The following ESYT3 variants were observed in gnomAD, a reference collection of about 807,000 sequenced individuals.
The protein encoded by ESYT3 is extended synaptotagmin-3.
Under a neutral mutation model 111.5 loss-of-function variants are expected in ESYT3, and 101 were observed. The observed-to-expected ratio is 0.91, with a 90% CI of 0.77 to 1.07. The LOEUF (loss-of-function observed/expected upper bound fraction) is 1.07. ESYT3 is among the 50% of genes least tolerant of loss of function. The pLI is 0.00. For missense variants in ESYT3, 1,097 were observed against 1,109.4 expected, an observed-to-expected ratio of 0.99 and a Z score of 0.16; for synonymous variants, 416 against 446.8, an observed-to-expected ratio of 0.93 and a Z score of 0.87.
In ESYT3 at chr3:138,444,045, G is replaced by A. The variant is rs116492611; in HGVS notation, c.328-8003G>A. Among the ~76,000 whole-genome samples, 1,048 of 152,268 alleles carry A rather than the reference G, an allele frequency of 6.9e-3. 11 individuals are homozygous for A. The highest frequency in any genetic ancestry group is 0.023 in the African/African-American group (974 of 41,552). On this transcript the variant is annotated intron_variant, in intron 1 of 22. Transcript: ENST00000389567. ...TAAGAAATAATGCACAGACATCACC[G>A]CCTAAATATGGATTATTGATGTGGG... is the stretch of plus-strand genomic sequence containing the variant.
chr3:138,468,737 G>A lies in ESYT3; in HGVS notation c.1371+20G>A. On this transcript the variant is annotated intron_variant, in intron 13 of 22. Coordinates refer to ENST00000389567, the MANE Select transcript of ESYT3 (RefSeq NM_031913.5). ...TTGCCGGTGAGTGGCGACATGTCCA[G>A]AGTGTCACACAAACGCAACAAAGTG... The A allele has an allele frequency of 1.9e-6, 3 of 1,614,016 alleles. No homozygotes were observed. The highest frequency in any genetic ancestry group is 2.5e-6 in the Non-Finnish European group (3 of 1,179,902).
rs1164079377 is a variant in ESYT3, at chr3:138,472,346, C to G, written c.1741-17C>G. On this transcript the variant is annotated splice_polypyrimidine_tract_variant and intron_variant, in intron 17 of 22. Transcript: ENST00000389567. ...GTGGTGACTCAGCTCATAAGCCACC[C>G]TCTTATCTGCTTGCAGTTCCTGCAA... 1.9e-6 allele frequency: 3 copies of G among 1,611,066 alleles called. No individual in the cohort carries two copies. Among genetic ancestry groups the G allele is most frequent in the Non-Finnish European group, 2.5e-6 (3 of 1,178,700 alleles).
chr3:138,455,176 C>T lies in ESYT3; in HGVS notation c.370-18C>T, dbSNP rs760143256. The stretch of plus-strand genomic sequence containing the variant: ...GGGTACAGACCTGACTACCAAGAGC[C>T]TCTTCCCGTCTTCACAGATCATCTC... On this transcript the variant is annotated intron_variant, in intron 2 of 22. Transcript: ENST00000389567. 3.7e-6 allele frequency: 6 copies of T among 1,613,858 alleles called. No homozygotes were observed. Among genetic ancestry groups the T allele is most frequent in the Admixed American group, 1.7e-5 (1 of 60,000 alleles).
In ESYT3 at chr3:138,464,390, A is replaced by T; in HGVS notation, c.961A>T (p.Lys321Ter). ...HLLEAEQLAQ[K>*]DNFLGLRGKS... ...GCTGGAGGCAGAGCAGCTGGCCCAG[A>T]AGGACAACTTTCTGGGGCTCCGAGG... Residue 321 changes from lysine to a stop codon, truncating the protein, a stop_gained, in exon 9 of 23, where the codon AAG becomes TAG. Coordinates refer to ENST00000389567, the MANE Select transcript of ESYT3 (RefSeq NM_031913.5). LOFTEE classifies it high-confidence loss of function. The T allele has an allele frequency of 6.2e-7, 1 of 1,614,178 alleles. No homozygotes were observed. Among genetic ancestry groups the T allele is most frequent in the Non-Finnish European group, 8.5e-7 (1 of 1,180,010 alleles).
chr3:138,467,542 C>T lies in ESYT3; in HGVS notation c.1170-19C>T, dbSNP rs1230273716. 6.8e-6 allele frequency: 11 copies of T among 1,614,088 alleles called. No homozygotes were observed. In the Admixed American group the frequency reaches 1.7e-4, roughly 24 times the overall value. On this transcript the variant is annotated intron_variant, in intron 10 of 22. Transcript: ENST00000389567. ...TCTTCCTCTGAGCTGACCCAATCCC[C>T]TCTCCCTGTATATTCCAGCCTGCAG...
In ESYT3 at chr3:138,436,362, G is replaced by A. The variant is rs539786493; in HGVS notation, c.327+1237G>A. Among the ~76,000 whole-genome samples the A allele has an allele frequency of 5.3e-5, 8 of 152,232 alleles. No homozygotes were observed. The South Asian group carries it at 1.0e-3, about 20-fold the overall frequency. On this transcript the variant is annotated intron_variant, in intron 1 of 22. Transcript: ENST00000389567. ...TCTGTGTCCTAATCTCTTCTTAGAA[G>A]GACATCAGTCATATTGGATTAAGGC... is the stretch of plus-strand genomic sequence containing the variant.
intron 2 of ESYT3, 150 bp downstream of exon 2, chr3:138,452,239 A>C: frequency 1.5e-6 from 1 of 681,234 alleles, no homozygotes. Flanking sequence ...CTTTCACCAG[A>C]ATGGCTCGCT....
chr3:138,472,394 G>A lies in ESYT3; in HGVS notation c.1772G>A (p.Ser591Asn), dbSNP rs371637979. The A allele has an allele frequency of 1.1e-5, 17 of 1,613,982 alleles. No homozygotes were observed. The highest frequency in any genetic ancestry group is 1.3e-5 in the Non-Finnish European group (15 of 1,180,010). The change falls in exon 18 of 23, where the codon AGC becomes AAC. Residue 591 changes from serine (S) to asparagine (N), a missense_variant. Ser to Asn is a conservative substitution (Grantham distance 46, BLOSUM62 1). Coordinates refer to ENST00000389567, the MANE Select transcript of ESYT3 (RefSeq NM_031913.5). The part of the protein sequence containing the change: ...FLQVEERELG[S>N]PYTGPEALKK... ...CAAGTGGAGGAACGAGAGCTGGGGA[G>A]CCCATACACAGGACCTGAAGCCCTA...
intron 3 of ESYT3, 131 bp downstream of exon 3, chr3:138,455,459 ACCCT>A: frequency 1.1e-6 from 1 of 918,988 alleles, no homozygotes; most frequent in Non-Finnish European, 1.6e-6. Flanking sequence ...ACAGGGGGAC[ACCCT>A]CCCGCCACCA....
chr3:138,462,233 C>T, intron 8 of ESYT3, 27 bp downstream of exon 8: 1 of 1,614,028 alleles, frequency 6.2e-7, no homozygotes, highest in Non-Finnish European at 8.5e-7. Flanking sequence ...AGCCACAGAC[C>T]AGCCTGCTGG....
chr3:138,465,127 G>C (rs2032858822), intron 9 of ESYT3, among the ~76,000 whole-genome samples: 1 of 152,196 alleles, frequency 6.6e-6, no homozygotes, highest in East Asian at 1.9e-4. Context: ...CTGTCCCCTG[G>C]GCACCTGCTC....
chr3:138,469,404 A>G lies in ESYT3; in HGVS notation c.1435-32A>G, dbSNP rs1395646124. On this transcript the variant is annotated intron_variant, in intron 14 of 22. Coordinates refer to ENST00000389567, the MANE Select transcript of ESYT3 (RefSeq NM_031913.5). ...GTCTCAAGCTGATATTGACTATGCC[A>G]CCTTCACTGTTATGGATTTGATTCC... The G allele has an allele frequency of 3.8e-6, 6 of 1,592,758 alleles. No homozygotes were observed. The South Asian group carries it at 6.6e-5, about 18-fold the overall frequency.
intron 1 of ESYT3, among the ~76,000 whole-genome samples, chr3:138,444,986 C>T (rs1197733418): frequency 6.6e-6 from 1 of 152,192 alleles, no homozygotes; most frequent in Non-Finnish European, 1.5e-5. Flanking sequence ...CATTCTTCCA[C>T]ACCCTCTGCT....
chr3:138,467,348 C>G (rs2032979608), intron 10 of ESYT3, among the ~76,000 whole-genome samples: 1 of 152,144 alleles, frequency 6.6e-6, no homozygotes, highest in Non-Finnish European at 1.5e-5. Context: ...CCCTTCCTCC[C>G]CAAGTAGCAC....
At chr3:138,465,516 C>A in intron 10 of ESYT3, 95 bp downstream of exon 10, 3 of 957,836 alleles carry the variant, frequency 3.1e-6, no homozygotes, top group Non-Finnish European at 4.8e-6. Context: ...TAATGACTAG[C>A]AACCCGCTGT....
At chr3:138,464,570 G>C (rs1347295764) in intron 9 of ESYT3, 55 bp downstream of exon 9, 2 of 1,586,862 alleles carry the variant, frequency 1.3e-6, no homozygotes, top group Admixed American at 3.4e-5. Context: ...CTGGGCAGAG[G>C]CAATCCAGGG....
intron 7 of ESYT3, among the ~76,000 whole-genome samples, chr3:138,461,423 C>T (rs112168065): frequency 8.2e-4 from 125 of 152,280 alleles, no homozygotes; most frequent in African/African-American, 2.9e-3. Flanking sequence ...ACCAGCCCCA[C>T]TGGACACACC....
rs139746056 is a variant in ESYT3 at position 138,453,945 on chromosome 3, C to T, written c.370-1249C>T. 3.7e-3 allele frequency among the ~76,000 whole-genome samples: 565 copies of T among 152,278 alleles called. 4 individuals are homozygous for T. The highest frequency in any genetic ancestry group is 0.012 in the African/African-American group (496 of 41,552). On this transcript the variant is annotated intron_variant, in intron 2 of 22. Transcript: ENST00000389567. ...GAAACGATCCTCCTGCCTCAGCCTC[C>T]CAAGGAGTTGTGACCCCGCTGTGTG...
intron 19 of ESYT3, 67 bp from the exon 20 acceptor site, chr3:138,474,154 C>A: frequency 6.4e-7 from 1 of 1,568,398 alleles, no homozygotes; most frequent in Non-Finnish European, 8.6e-7. Flanking sequence ...CTGAAACTCT[C>A]AAATGTTCAG....
Sources: gnomAD v4.1 joint callset for allele counts (sites outside exome capture counted in the v4.1 genomes callset) on GRCh38, gnomAD v4.1.1 for gene constraint, MANE v1.5 for transcripts, NCBI Gene and HGNC (gene_info 2026-07-23, HGNC 2026-07-21) for gene names.